ATP8A2: variants seen among roughly 807,000 people sequenced by gnomAD.
ATP8A2 encodes the protein phospholipid-transporting ATPase IB.
A neutral mutation model predicts 165.6 loss-of-function variants in ATP8A2; 100 were observed. The observed-to-expected ratio is 0.60, with a 90% CI of 0.51 to 0.71. The LOEUF (loss-of-function observed/expected upper bound fraction) is 0.71. Among genes scored for constraint, ATP8A2 ranks in the 30% least tolerant of loss-of-function variants. ATP8A2 has a pLI of 0.00. For synonymous variants in ATP8A2, 543 were observed against 548.8 expected, an observed-to-expected ratio of 0.99 and a Z score of 0.15; for missense variants, 1,227 against 1,479.5, an observed-to-expected ratio of 0.83 and a Z score of 2.80.
chr13:25,910,240 A>G (rs546632780), intron 33 of ATP8A2, among the ~76,000 whole-genome samples: 4 of 152,306 alleles, frequency 2.6e-5, no homozygotes, highest in African/African-American at 9.6e-5. Context: ...TGCTGTTTTC[A>G]TAATGGAATA....
chr13:25,981,359 C>T (rs544519100), intron 35 of ATP8A2, among the ~76,000 whole-genome samples: 1 of 152,236 alleles, frequency 6.6e-6, no homozygotes, highest in African/African-American at 2.4e-5. Flanking sequence ...GTCACATGTT[C>T]CACACAGACA....
At chr13:25,812,311 A>G (rs1950896701) in intron 27 of ATP8A2, among the ~76,000 whole-genome samples, 1 of 149,484 alleles carries the variant, frequency 6.7e-6, no homozygotes, top group South Asian at 2.2e-4. Flanking sequence ...CCTCTCCTCC[A>G]GTCCCTATCT....
intron 2 of ATP8A2, among the ~76,000 whole-genome samples, chr13:25,513,828 G>A (rs898474575): frequency 2.1e-4 from 32 of 152,322 alleles, no homozygotes; most frequent in Non-Finnish European, 2.2e-4. Flanking sequence ...GTGGCGGCGC[G>A]CGCCTGCAAT....
At chr13:25,432,113 C>A (rs1473301257) in intron 1 of ATP8A2, among the ~76,000 whole-genome samples, 2 of 152,164 alleles carry the variant, frequency 1.3e-5, no homozygotes, top group African/African-American at 4.8e-5. Context: ...TTACAGATAT[C>A]CCACATTTTG....
At chr13:25,960,534 C>T (rs749830699) in intron 33 of ATP8A2, among the ~76,000 whole-genome samples, 46 of 152,086 alleles carry the variant, frequency 3.0e-4, no homozygotes, top group African/African-American at 3.1e-4. Flanking sequence ...AAAAGAAATC[C>T]GGTGAACACG....
At chr13:25,866,290 A>T (rs1338168857) in intron 33 of ATP8A2, among the ~76,000 whole-genome samples, 1 of 152,212 alleles carries the variant, frequency 6.6e-6, no homozygotes, top group Non-Finnish European at 1.5e-5. Flanking sequence ...TCTCCTAATC[A>T]GCAAAGTCAG....
Position 25,860,852 on chromosome 13 carries a change from T to C in ATP8A2, c.3067T>C (p.Trp1023Arg). Reference sequence around the variant, plus strand: ...GAAAGCTGGTTTGGAGACCACAGCTTGGACTAAAGTAAGTTTTCTCTAGAA... The same window carrying C: ...GAAAGCTGGTTTGGAGACCACAGCTCGGACTAAAGTAAGTTTTCTCTAGAA... ...CLKAGLETTAWTKFSHLAVWG... is the reference protein window; with the variant it reads ...CLKAGLETTARTKFSHLAVWG... The change falls in exon 32 of 37, where the codon TGG (tryptophan) becomes CGG (arginine). Residue 1023 changes from tryptophan (W) to arginine (R), a missense_variant. Physicochemically the swap from Trp to Arg is moderately radical, Grantham distance 101. Transcript: ENST00000381655. 6.3e-7 allele frequency: 1 copy of C among 1,590,376 alleles called. No individual in the cohort carries two copies. Among genetic ancestry groups the C allele is most frequent in the Middle Eastern group, 1.7e-4 (1 of 5,792 alleles).
chr13:25,718,080 C>T (rs550753357), intron 25 of ATP8A2, among the ~76,000 whole-genome samples: 1 of 152,118 alleles, frequency 6.6e-6, no homozygotes, highest in Non-Finnish European at 1.5e-5. Flanking sequence ...AATTATGTCC[C>T]ATGCACCCCA....
At chr13:25,794,799 G>T (rs1394594754) in intron 27 of ATP8A2, among the ~76,000 whole-genome samples, 1 of 142,552 alleles carries the variant, frequency 7.0e-6, no homozygotes, top group East Asian at 2.1e-4. Flanking sequence ...TTGAAATTCT[G>T]CCCCAACGCA....
At chr13:25,394,834 TAG>T (rs1482405291) in intron 1 of ATP8A2, among the ~76,000 whole-genome samples, 2 of 152,222 alleles carry the variant, frequency 1.3e-5, no homozygotes, top group Non-Finnish European at 2.9e-5. Context: ...CTGAGATGAC[TAG>T]AGTCTTATCA....
chr13:25,932,597 A>G (rs1239240639), intron 33 of ATP8A2, among the ~76,000 whole-genome samples: 3 of 152,190 alleles, frequency 2.0e-5, no homozygotes, highest in Non-Finnish European at 4.4e-5. Context: ...TTAAAACTGC[A>G]GGGGAGCCAA....
chr13:25,579,309 A>C (rs12876646), intron 21 of ATP8A2, among the ~76,000 whole-genome samples: 91,362 of 152,088 alleles, frequency 0.6, 29,051 homozygotes, highest in Middle Eastern at 0.71. Flanking sequence ...GGTGTTCCTG[A>C]TAGCGAATGT....
At chr13:25,929,824 T>TA (rs1161489691) in intron 33 of ATP8A2, among the ~76,000 whole-genome samples, 1 of 152,036 alleles carries the variant, frequency 6.6e-6, no homozygotes, top group African/African-American at 2.4e-5. Context: ...ACCCTGTCTC[T>TA]AAAAAAAACC....
At chr13:25,500,660 A>T (rs181327315) in intron 2 of ATP8A2, among the ~76,000 whole-genome samples, 69 of 152,190 alleles carry the variant, frequency 4.5e-4, no homozygotes, top group African/African-American at 1.6e-3. Flanking sequence ...ATCTTGGCTT[A>T]CCCCAACCTC....
Position 25,590,738 on chromosome 13 carries a change from A to T in ATP8A2, c.2211+1039A>T, listed in dbSNP as rs2040049408. Among the ~76,000 whole-genome samples the T allele has an allele frequency of 2.0e-5, 3 of 152,004 alleles. 1 individual carries two copies. Among genetic ancestry groups the T allele is most frequent in the Admixed American group, 1.3e-4 (2 of 15,264 alleles). On this transcript the variant is annotated intron_variant, in intron 24 of 36. Transcript: ENST00000381655. ...CCAGGGGCAGATGGCACGGTTAATT[A>T]CTCTTTTAAAGGGAGGCAATAAAGT...
intron 30 of ATP8A2, 140 bp downstream of exon 30, chr13:25,839,764 T>C: frequency 1.5e-6 from 1 of 687,934 alleles, no homozygotes; most frequent in East Asian, 2.7e-5. Context: ...ACCTAAAGCA[T>C]AATGAGAGCT....
At chr13:25,531,255 TATATATGA>T (rs1566229160) in intron 4 of ATP8A2, among the ~76,000 whole-genome samples, 626 of 7,024 alleles carry the variant, frequency 0.089, 12 homozygotes, top group African/African-American at 0.15. Context: ...TTATATATGA[TATATATGA>T]TATATATGAT....
chr13:25,961,807 A>T, intron 34 of ATP8A2, 144 bp downstream of exon 34: 1 of 637,336 alleles, frequency 1.6e-6, no homozygotes. Context: ...AATGAAAAAA[A>T]AATTTTTTTA....
intron 24 of ATP8A2, 106 bp downstream of exon 24, chr13:25,589,805 TGAAAA>T: frequency 3.0e-6 from 2 of 677,658 alleles, no homozygotes; most frequent in Non-Finnish European, 5.1e-6. Context: ...AAAACAGTTA[TGAAAA>T]AACTGTGTTT....
Sources: gnomAD v4.1 joint callset for allele counts (sites outside exome capture counted in the v4.1 genomes callset) on GRCh38, gnomAD v4.1.1 for gene constraint, MANE v1.5 for transcripts, NCBI Gene and HGNC (gene_info 2026-07-23, HGNC 2026-07-21) for gene names.